The following FAM13A variants were observed in gnomAD, a reference collection of about 807,000 sequenced individuals.
FAM13A encodes family with sequence similarity 13 member A, also known as protein FAM13A.
FAM13A carries 76 observed loss-of-function variants against 129.6 expected under a neutral mutation model. The ratio of observed to expected loss-of-function variants is 0.59; its 90% confidence interval spans 0.49 to 0.71. The LOEUF (loss-of-function observed/expected upper bound fraction) is 0.71, where lower values mean the gene tolerates loss of function less well. Ranked by LOEUF, FAM13A falls within the 30% of genes least tolerant of loss-of-function variation. The pLI is 0.00. For missense variants in FAM13A, 1,108 were observed against 1,249.3 expected (o/e 0.89, Z 1.70); for synonymous variants, 443 against 449.9 (o/e 0.98, Z 0.20).
intron 10 of FAM13A, among the ~76,000 whole-genome samples, chr4:88,785,706 G>T (rs1236415919): frequency 6.6e-6 from 1 of 152,200 alleles, no homozygotes; most frequent in African/African-American, 2.4e-5. Flanking sequence ...TACGGTCAAA[G>T]CTGGGCCAGA....
chr4:88,765,312 A>C (rs1263918814), intron 13 of FAM13A, among the ~76,000 whole-genome samples: 1 of 152,240 alleles, frequency 6.6e-6, no homozygotes, highest in Admixed American at 6.5e-5. Context: ...ATAAGGATGA[A>C]GTCTGTCTTA....
intron 6 of FAM13A, among the ~76,000 whole-genome samples, chr4:88,887,677 C>T (rs1047269815): frequency 1.3e-5 from 2 of 151,814 alleles, no homozygotes; most frequent in Admixed American, 6.6e-5. Flanking sequence ...ATTCCAGATG[C>T]GTGCCACCAT....
chr4:88,835,163 G>A (rs1734600938), intron 7 of FAM13A, among the ~76,000 whole-genome samples: 1 of 152,122 alleles, frequency 6.6e-6, no homozygotes, highest in Admixed American at 6.5e-5. Context: ...TGGACTGGGG[G>A]CCCAGCTGAA....
At chr4:88,895,290 T>C (rs1746091467) in intron 6 of FAM13A, among the ~76,000 whole-genome samples, 1 of 152,116 alleles carries the variant, frequency 6.6e-6, no homozygotes. Flanking sequence ...TTATAATATA[T>C]ATGTTAATGA....
At chr4:89,049,776 C>A (rs1771313068) in intron 1 of FAM13A, among the ~76,000 whole-genome samples, 1 of 152,200 alleles carries the variant, frequency 6.6e-6, no homozygotes, top group African/African-American at 2.4e-5. Flanking sequence ...CTTGCCTCAG[C>A]TTCCCAAGTA....
chr4:88,948,477 T>C (rs1343129849), intron 4 of FAM13A, among the ~76,000 whole-genome samples: 2 of 151,236 alleles, frequency 1.3e-5, no homozygotes, highest in African/African-American at 2.4e-5. Context: ...TTTGGAATGA[T>C]GGAAATGGCC....
At chr4:88,863,221 A>C (rs1579009438) in intron 6 of FAM13A, among the ~76,000 whole-genome samples, 1 of 152,174 alleles carries the variant, frequency 6.6e-6, no homozygotes, top group Non-Finnish European at 1.5e-5. Flanking sequence ...AAGGGGCTGG[A>C]GATAGAATTC....
At chr4:88,782,439 T>C (rs1266671270) in intron 10 of FAM13A, among the ~76,000 whole-genome samples, 3 of 152,116 alleles carry the variant, frequency 2.0e-5, no homozygotes, top group Non-Finnish European at 4.4e-5. Flanking sequence ...CACCTAAAAC[T>C]GCATCTTGAA....
At chr4:88,880,311 C>T (rs765983539) in intron 6 of FAM13A, among the ~76,000 whole-genome samples, 11 of 152,160 alleles carry the variant, frequency 7.2e-5, no homozygotes, top group Admixed American at 1.3e-4. Context: ...AACACACACC[C>T]TCACTGGGAA....
intron 3 of FAM13A, among the ~76,000 whole-genome samples, chr4:89,003,660 T>TA (rs879498780): frequency 3.2e-4 from 46 of 144,792 alleles, no homozygotes; most frequent in South Asian, 4.4e-4. Context: ...TACATGTATG[T>TA]AAAAAAAAAA....
At chr4:89,045,254 G>A (rs1770701374) in intron 1 of FAM13A, among the ~76,000 whole-genome samples, 1 of 152,226 alleles carries the variant, frequency 6.6e-6, no homozygotes, top group South Asian at 2.1e-4. Context: ...CATTTCAGAA[G>A]TGAAGACTGA....
chr4:89,036,933 C>G (rs905667320), intron 1 of FAM13A, among the ~76,000 whole-genome samples: 3 of 152,206 alleles, frequency 2.0e-5, no homozygotes, highest in African/African-American at 7.2e-5. Context: ...GAACCTCCAC[C>G]TAGATTTCAG....
chr4:88,791,279 A>T (rs1725086975), intron 8 of FAM13A, among the ~76,000 whole-genome samples: 1 of 152,112 alleles, frequency 6.6e-6, no homozygotes, highest in Admixed American at 6.6e-5. Flanking sequence ...ACAAATTTTC[A>T]TGATTTTCCC....
chr4:88,957,899 G>A (rs1456051754), intron 4 of FAM13A, among the ~76,000 whole-genome samples: 1 of 152,050 alleles, frequency 6.6e-6, no homozygotes, highest in African/African-American at 2.4e-5. Flanking sequence ...GAAGATTTAG[G>A]GTATCTGGTG....
chr4:88,905,345 C>T (rs967586363), intron 6 of FAM13A, among the ~76,000 whole-genome samples: 2 of 152,008 alleles, frequency 1.3e-5, no homozygotes, highest in African/African-American at 4.8e-5. Context: ...ACATGTTGGC[C>T]AGACTGGTCC....
intron 8 of FAM13A, among the ~76,000 whole-genome samples, chr4:88,798,021 C>T (rs1726579924): frequency 1.3e-5 from 2 of 152,182 alleles, no homozygotes; most frequent in South Asian, 4.1e-4. Context: ...AACAATCAAT[C>T]TAGGCAGAAC....
At chr4:88,986,126 A>G (rs1474383162) in intron 4 of FAM13A, among the ~76,000 whole-genome samples, 1 of 151,914 alleles carries the variant, frequency 6.6e-6, no homozygotes, top group East Asian at 1.9e-4. Context: ...TTCTCTTTAC[A>G]TAATTTTCAC....
At chr4:88,968,872 T>C (rs1374699143) in intron 4 of FAM13A, among the ~76,000 whole-genome samples, 1 of 152,182 alleles carries the variant, frequency 6.6e-6, no homozygotes, top group African/African-American at 2.4e-5. Flanking sequence ...ATAACGCTGT[T>C]AGGGATTTTG....
At chr4:88,969,669 T>G (rs1400171819) in intron 4 of FAM13A, among the ~76,000 whole-genome samples, 2 of 152,266 alleles carry the variant, frequency 1.3e-5, no homozygotes, top group Non-Finnish European at 2.9e-5. Flanking sequence ...TAACATTTAC[T>G]GAGTGTATAC....
Sources: allele counts gnomAD v4.1 joint callset (sites outside exome capture counted in the v4.1 genomes callset), GRCh38; gene constraint gnomAD v4.1.1; transcripts MANE v1.5; gene names NCBI Gene and HGNC (gene_info 2026-07-23, HGNC 2026-07-21).